COL19A1: variants seen among roughly 807,000 people sequenced by gnomAD.
COL19A1 encodes the protein collagen type XIX alpha 1 chain, also known as collagen alpha-1(XIX) chain.
COL19A1 carries 159 observed loss-of-function variants against 190.2 expected under a neutral mutation model. The observed-to-expected ratio is 0.84, with a 90% CI of 0.73 to 0.95. COL19A1 has a LOEUF of 0.95. Among genes scored for constraint, COL19A1 ranks in the 40% least tolerant of loss-of-function variants. The pLI is 0.00. For synonymous variants in COL19A1, 509 were observed against 458.9 expected (o/e 1.11, Z -1.39); for missense variants, 1,418 against 1,431.9 (o/e 0.99, Z 0.16).
In COL19A1 at chr6:70,030,416, T is replaced by C. The variant is rs147375329; in HGVS notation, c.1081-3829T>C. 1.1e-4 allele frequency among the ~76,000 whole-genome samples: 17 copies of C among 152,286 alleles called. No individual in the cohort carries two copies. In the East Asian group the frequency reaches 2.7e-3, roughly 24 times the overall value. On this transcript the variant is annotated intron_variant, in intron 12 of 50. Transcript: ENST00000620364. ...AGAACTCAATGTGAGAACTAAGACG[T>C]CATCCTCCACTTGGAATCTCCCTGT...
At chr6:70,126,473 G>T (rs736905) in intron 17 of COL19A1, among the ~76,000 whole-genome samples, 1 of 152,094 alleles carries the variant, frequency 6.6e-6, no homozygotes, top group Admixed American at 6.5e-5. Context: ...ACAGACATAT[G>T]GACTTTCAGA....
chr6:70,171,937 T>C, intron 40 of COL19A1, 27 bp from the exon 41 acceptor site: 1 of 1,609,988 alleles, frequency 6.2e-7, no homozygotes. Flanking sequence ...TTATTGCTCC[T>C]GCATTTCTTA....
At chr6:69,899,165 AT>A (rs112888229) in intron 3 of COL19A1, 143 bp downstream of exon 3, 59,168 of 420,310 alleles carry the variant, frequency 0.14, 52 homozygotes, top group East Asian at 0.22. Context: ...ATTCTTTTTA[AT>A]TTTTTTTTTT....
chr6:70,063,679 T>C (rs375791458), intron 14 of COL19A1, among the ~76,000 whole-genome samples: 8,064 of 151,932 alleles, frequency 0.053, 691 homozygotes, highest in African/African-American at 0.19. Flanking sequence ...TTCAAAAAAT[T>C]AATGAATCCA....
intron 11 of COL19A1, among the ~76,000 whole-genome samples, chr6:69,980,494 A>G (rs925462467): frequency 6.6e-6 from 1 of 152,160 alleles, no homozygotes; most frequent in African/African-American, 2.4e-5. Context: ...TGTATATCTA[A>G]CCAAGATTTG....
At chr6:69,938,258 A>G (rs1348576738) in intron 9 of COL19A1, among the ~76,000 whole-genome samples, 158 bp downstream of exon 9, 1 of 152,196 alleles carries the variant, frequency 6.6e-6, no homozygotes, top group African/African-American at 2.4e-5. Flanking sequence ...AATAGAGACT[A>G]TCAGCATTCT....
At chr6:70,025,703 T>C (rs950690012) in intron 12 of COL19A1, among the ~76,000 whole-genome samples, 3 of 152,266 alleles carry the variant, frequency 2.0e-5, no homozygotes, top group African/African-American at 4.8e-5. Context: ...GTTGGAATCC[T>C]AGTACTTAGC....
intron 2 of COL19A1, chr6:69,889,895 C>G (rs1237812702): frequency 8.5e-5 from 13 of 152,312 alleles, no homozygotes; most frequent in South Asian, 2.1e-4. Flanking sequence ...ACTGTGGAAG[C>G]TTTGTTCTTT....
intron 47 of COL19A1, 107 bp downstream of exon 47, chr6:70,188,352 A>C: frequency 3.0e-6 from 4 of 1,319,304 alleles, no homozygotes; most frequent in South Asian, 1.8e-5. Flanking sequence ...ACAAACCTAA[A>C]CTGGTCCCCG....
chr6:70,048,887 A>G (rs1780044125), intron 14 of COL19A1, among the ~76,000 whole-genome samples: 1 of 152,126 alleles, frequency 6.6e-6, no homozygotes, highest in South Asian at 2.1e-4. Context: ...TTTGCTGCAT[A>G]TAATTTTTCA....
chr6:70,004,819 C>T lies in COL19A1; in HGVS notation c.1027-18808C>T, dbSNP rs1777513313. Among the ~76,000 whole-genome samples, 2 of 150,708 alleles carry T rather than the reference C, an allele frequency of 1.3e-5. 1 individual carries two copies. On this transcript the variant is annotated intron_variant, in intron 11 of 50. Transcript: ENST00000620364. ...GTTTGCATTGGGCTAAAACATGCTC[C>T]TTTAGCTCAGCGTACTTTTTTTTTT...
At chr6:70,060,134 G>A (rs570233155) in intron 14 of COL19A1, among the ~76,000 whole-genome samples, 1 of 152,276 alleles carries the variant, frequency 6.6e-6, no homozygotes, top group East Asian at 1.9e-4. Flanking sequence ...AGACATCAGA[G>A]AATAGAATGA....
In COL19A1 at chr6:69,885,404, G is replaced by C. The variant is rs1401396043; in HGVS notation, c.91+5746G>C. Among the ~76,000 whole-genome samples, 26 of 152,094 alleles carry C rather than the reference G, an allele frequency of 1.7e-4. 1 individual carries two copies. The highest frequency in any genetic ancestry group is 1.7e-3 in the Admixed American group (26 of 15,262). On this transcript the variant is annotated intron_variant, in intron 2 of 50. Transcript: ENST00000620364. ...ATATTTGAGGTCTATAGCATATTAT[G>C]GGATGGATATAATTAAATGACTACT...
chr6:70,161,825 C>A (rs1787826197), intron 34 of COL19A1, 75 bp from the exon 35 acceptor site: 14 of 1,205,184 alleles, frequency 1.2e-5, no homozygotes, highest in South Asian at 4.6e-5. Context: ...GTTCAATGGT[C>A]AAAATATTTG....
At chr6:69,957,339 A>G (rs999117727) in intron 9 of COL19A1, among the ~76,000 whole-genome samples, 5 of 152,106 alleles carry the variant, frequency 3.3e-5, no homozygotes, top group Non-Finnish European at 7.4e-5. Flanking sequence ...AAAACTTCTC[A>G]AAGAGGTTAT....
chr6:69,973,254 T>C (rs1352654248), intron 11 of COL19A1, among the ~76,000 whole-genome samples: 3 of 152,182 alleles, frequency 2.0e-5, no homozygotes, highest in Non-Finnish European at 4.4e-5. Context: ...TACTCTTAGC[T>C]TTTGGTCTTC....
intron 48 of COL19A1, among the ~76,000 whole-genome samples, chr6:70,197,392 C>T (rs1273322110): frequency 6.6e-6 from 1 of 151,776 alleles, no homozygotes; most frequent in Non-Finnish European, 1.5e-5. Context: ...CACTGCACTC[C>T]AGCCTGGGTG....
intron 9 of COL19A1, among the ~76,000 whole-genome samples, chr6:69,944,005 T>A (rs991406378): frequency 9.6e-5 from 14 of 145,624 alleles, no homozygotes; most frequent in African/African-American, 3.6e-4. Flanking sequence ...TGTAGAGCTC[T>A]CCCCTACCTG....
At chr6:69,906,088 T>C (rs1023212679) in intron 4 of COL19A1, among the ~76,000 whole-genome samples, 33 of 152,342 alleles carry the variant, frequency 2.2e-4, no homozygotes, top group Admixed American at 1.2e-3. Context: ...TAAAAACAGA[T>C]AAAAACACAC....
Sources: allele counts gnomAD v4.1 joint callset (sites outside exome capture counted in the v4.1 genomes callset), GRCh38; gene constraint gnomAD v4.1.1; transcripts MANE v1.5; gene names NCBI Gene and HGNC (gene_info 2026-07-23, HGNC 2026-07-21).